Variants in CNTN5 observed in about 807,000 individuals in gnomAD.
The protein encoded by CNTN5 is contactin-5.
A neutral mutation model predicts 129.1 loss-of-function variants in CNTN5; 77 were observed. The ratio of observed to expected loss-of-function variants is 0.60; its 90% CI spans 0.50 to 0.72. CNTN5 has a LOEUF of 0.72. Ranked by LOEUF, CNTN5 falls within the 30% of genes least tolerant of loss-of-function variation. The pLI is 0.00. For missense variants in CNTN5, 1,478 were observed against 1,328.8 expected (o/e 1.11, Z -1.75); for synonymous variants, 509 against 465.6 (o/e 1.09, Z -1.20).
chr11:99,516,248 AC>A (rs1947048868), intron 2 of CNTN5, among the ~76,000 whole-genome samples: 1 of 152,122 alleles, frequency 6.6e-6, no homozygotes, highest in Non-Finnish European at 1.5e-5. Flanking sequence ...AATCATTTTT[AC>A]CATTCCAGTG....
intron 6 of CNTN5, among the ~76,000 whole-genome samples, chr11:99,902,947 T>G (rs113949627): frequency 2.6e-5 from 4 of 152,292 alleles, no homozygotes; most frequent in African/African-American, 9.6e-5. Flanking sequence ...AGTTGAAAAT[T>G]GATCACTAGT....
intron 6 of CNTN5, among the ~76,000 whole-genome samples, chr11:99,873,284 G>C (rs145356303): frequency 6.6e-6 from 1 of 151,456 alleles, no homozygotes; most frequent in African/African-American, 2.4e-5. Flanking sequence ...AAAAAAATAC[G>C]CCTTTTTAAA....
intron 3 of CNTN5, among the ~76,000 whole-genome samples, chr11:99,658,204 G>C (rs1046824404): frequency 3.9e-5 from 6 of 152,112 alleles, no homozygotes; most frequent in African/African-American, 1.4e-4. Flanking sequence ...GCAGAGCAAG[G>C]TAAGTGGATA....
intron 6 of CNTN5, among the ~76,000 whole-genome samples, chr11:99,915,048 C>T (rs954883245): frequency 6.6e-6 from 1 of 151,920 alleles, no homozygotes; most frequent in East Asian, 1.9e-4. Context: ...TTTTAAAAAT[C>T]TATTTTACAA....
intron 3 of CNTN5, among the ~76,000 whole-genome samples, chr11:99,610,564 T>C (rs1290646108): frequency 6.6e-5 from 10 of 152,136 alleles, no homozygotes; most frequent in Admixed American, 5.9e-4. Flanking sequence ...TGGGTCTCTG[T>C]AAGAGAGGAT....
intron 10 of CNTN5, among the ~76,000 whole-genome samples, chr11:100,064,150 T>G (rs1185236674): frequency 3.9e-5 from 6 of 152,176 alleles, no homozygotes; most frequent in Non-Finnish European, 5.9e-5. Flanking sequence ...TTCTATCTGT[T>G]AGAAGTACAG....
At chr11:99,852,064 A>G (rs1431008944) in intron 6 of CNTN5, among the ~76,000 whole-genome samples, 2 of 152,212 alleles carry the variant, frequency 1.3e-5, no homozygotes, top group Non-Finnish European at 2.9e-5. Context: ...AATGAGTCAG[A>G]TTGACATGGA....
intron 3 of CNTN5, among the ~76,000 whole-genome samples, chr11:99,692,907 T>C (rs1954100703): frequency 6.6e-6 from 1 of 152,126 alleles, no homozygotes; most frequent in African/African-American, 2.4e-5. Flanking sequence ...AGTTTGTAAT[T>C]ATAATAGCTG....
intron 2 of CNTN5, among the ~76,000 whole-genome samples, chr11:99,465,429 T>A (rs1944892311): frequency 6.6e-6 from 1 of 152,104 alleles, no homozygotes; most frequent in Non-Finnish European, 1.5e-5. Context: ...ATATATTTAA[T>A]GTTTACATAT....
intron 3 of CNTN5, among the ~76,000 whole-genome samples, chr11:99,803,981 TGAAAAACTATGA>T (rs1341564684): frequency 6.6e-6 from 1 of 152,182 alleles, no homozygotes; most frequent in East Asian, 1.9e-4. Flanking sequence ...AAAAATGAGA[TGAAAAACTATGA>T]GTAAACTCTT....
intron 9 of CNTN5, among the ~76,000 whole-genome samples, chr11:100,051,138 C>T (rs907963734): frequency 6.6e-6 from 1 of 152,080 alleles, no homozygotes; most frequent in South Asian, 2.1e-4. Flanking sequence ...GACATGAACA[C>T]AGCTATTAAC....
intron 7 of CNTN5, among the ~76,000 whole-genome samples, chr11:99,928,704 C>T (rs1950121244): frequency 6.6e-6 from 1 of 152,118 alleles, no homozygotes; most frequent in Non-Finnish European, 1.5e-5. Flanking sequence ...GGCCTGTGGG[C>T]CTGTGATGGA....
intron 9 of CNTN5, among the ~76,000 whole-genome samples, chr11:100,027,731 C>G (rs1217538680): frequency 6.6e-6 from 1 of 152,166 alleles, no homozygotes; most frequent in Non-Finnish European, 1.5e-5. Flanking sequence ...CTCAGAAAGA[C>G]AGCTGAGCTT....
intron 13 of CNTN5, among the ~76,000 whole-genome samples, chr11:100,176,876 G>GTA (rs1491020001): frequency 7.0e-6 from 1 of 143,692 alleles, no homozygotes; most frequent in Non-Finnish European, 1.5e-5. Flanking sequence ...GTGTGTGTGT[G>GTA]TATAAAATGC....
chr11:99,122,794 G>A (rs1236908106), intron 1 of CNTN5, among the ~76,000 whole-genome samples: 2 of 152,066 alleles, frequency 1.3e-5, no homozygotes, highest in African/African-American at 2.4e-5. Context: ...AGAACATACA[G>A]TATATGGTTT....
chr11:99,037,639 G>A (rs1863809787), intron 1 of CNTN5, among the ~76,000 whole-genome samples: 1 of 137,912 alleles, frequency 7.3e-6, no homozygotes, highest in African/African-American at 2.8e-5. Flanking sequence ...GGATTGCAGT[G>A]ATGCGATCTC....
At chr11:99,794,225 C>G (rs1044383321) in intron 3 of CNTN5, among the ~76,000 whole-genome samples, 3 of 142,096 alleles carry the variant, frequency 2.1e-5, no homozygotes, top group African/African-American at 7.9e-5. Context: ...CCTTTTTTGT[C>G]TGAAATTAGA....
intron 1 of CNTN5, among the ~76,000 whole-genome samples, chr11:99,089,928 G>A (rs558587639): frequency 6.6e-6 from 1 of 152,052 alleles, no homozygotes; most frequent in Non-Finnish European, 1.5e-5. Context: ...GTTTTTCAAT[G>A]GTTTTCCTAG....
At chr11:99,467,901 A>T (rs1945008696) in intron 2 of CNTN5, among the ~76,000 whole-genome samples, 1 of 151,896 alleles carries the variant, frequency 6.6e-6, no homozygotes, top group Non-Finnish European at 1.5e-5. Flanking sequence ...TGATATTTTT[A>T]GGTGGTATTG....
Sources: allele counts gnomAD v4.1 joint callset (sites outside exome capture counted in the v4.1 genomes callset), GRCh38; gene constraint gnomAD v4.1.1; transcripts MANE v1.5; gene names NCBI Gene and HGNC (gene_info 2026-07-23, HGNC 2026-07-21).